MYO1D: variants seen among roughly 807,000 people sequenced by gnomAD.
MYO1D encodes the protein myosin ID, also known as unconventional myosin-Id.
Under a neutral mutation model 122.0 loss-of-function variants are expected in MYO1D, and 83 were observed. The observed-to-expected ratio is 0.68, with a 90% confidence interval of 0.57 to 0.82. MYO1D has a LOEUF of 0.82. Among genes scored for constraint, MYO1D ranks in the 40% least tolerant of loss-of-function variants. MYO1D has a pLI of 0.00. For missense variants in MYO1D, 1,157 were observed against 1,269.5 expected, an observed-to-expected ratio of 0.91 and a Z score of 1.35; for synonymous variants, 464 against 446.9, an observed-to-expected ratio of 1.04 and a Z score of -0.48.
At chr17:32,876,748 C>A (rs1205066088) in intron 1 of MYO1D, 30 bp downstream of exon 1, 1 of 1,477,656 alleles carries the variant, frequency 6.8e-7, no homozygotes, top group Non-Finnish European at 9.0e-7. Flanking sequence ...CGCAGCCTCG[C>A]GCCCCTGCGC....
At chr17:32,675,609 A>G (rs1010238760) in intron 16 of MYO1D, among the ~76,000 whole-genome samples, 1 of 152,182 alleles carries the variant, frequency 6.6e-6, no homozygotes, top group Non-Finnish European at 1.5e-5. Flanking sequence ...TTTTAAAAAT[A>G]AATTTATATC....
chr17:32,531,031 C>T (rs1462039784), intron 21 of MYO1D, among the ~76,000 whole-genome samples: 2 of 152,096 alleles, frequency 1.3e-5, no homozygotes, highest in Admixed American at 6.5e-5. Context: ...CTCACTGCAA[C>T]CCAGGGTGGT....
chr17:32,497,797 A>G (rs1470363002), intron 21 of MYO1D: 1 of 152,322 alleles, frequency 6.6e-6, no homozygotes, highest in Non-Finnish European at 1.5e-5. Context: ...CTTGAATAGC[A>G]AGAAGGAAGG....
intron 1 of MYO1D, among the ~76,000 whole-genome samples, chr17:32,829,041 A>C (rs2090749179): frequency 6.6e-6 from 1 of 152,254 alleles, no homozygotes. Flanking sequence ...AGGAGAAAAT[A>C]AGTTAGGAAC....
intron 17 of MYO1D, among the ~76,000 whole-genome samples, chr17:32,657,503 A>G (rs2088493958): frequency 6.6e-6 from 1 of 152,268 alleles, no homozygotes; most frequent in African/African-American, 2.4e-5. Context: ...TGGCTCTTTC[A>G]GAAAAAGTTT....
At chr17:32,624,411 T>C (rs879381609) in intron 20 of MYO1D, among the ~76,000 whole-genome samples, 16 of 152,066 alleles carry the variant, frequency 1.1e-4, no homozygotes, top group Non-Finnish European at 1.2e-4. Flanking sequence ...TTTGATTTCA[T>C]GCATCTGGAG....
intron 1 of MYO1D, among the ~76,000 whole-genome samples, chr17:32,844,370 A>C (rs1387073363): frequency 1.4e-5 from 2 of 141,806 alleles, no homozygotes; most frequent in Admixed American, 7.0e-5. Flanking sequence ...TATTATATAT[A>C]GTATATATGT....
intron 13 of MYO1D, among the ~76,000 whole-genome samples, chr17:32,740,531 T>C (rs1259070651): frequency 6.6e-6 from 1 of 152,096 alleles, no homozygotes; most frequent in Non-Finnish European, 1.5e-5. Flanking sequence ...TAGGCTGGAG[T>C]GCAGTGGTGA....
intron 21 of MYO1D, among the ~76,000 whole-genome samples, chr17:32,592,794 A>G (rs1026358762): frequency 2.0e-5 from 3 of 152,224 alleles, no homozygotes; most frequent in African/African-American, 7.2e-5. Flanking sequence ...TAACTCTGGA[A>G]ATGACTGGAA....
At chr17:32,613,789 C>CAAAAAAAAAAAA (rs60701225) in intron 20 of MYO1D, among the ~76,000 whole-genome samples, 2 of 51,056 alleles carry the variant, frequency 3.9e-5, no homozygotes, top group African/African-American at 8.1e-5. Flanking sequence ...GATTCCATCT[C>CAAAAAAAAAAAA]AAAAAAAAAA....
chr17:32,594,429 CTTCA>C, intron 21 of MYO1D: 1 of 445,248 alleles, frequency 2.2e-6, no homozygotes, highest in Non-Finnish European at 4.0e-6. Context: ...TCTTTCCTTA[CTTCA>C]TTCAAATAAT....
At chr17:32,821,455 A>C (rs1333069279) in intron 1 of MYO1D, among the ~76,000 whole-genome samples, 2 of 152,304 alleles carry the variant, frequency 1.3e-5, no homozygotes, top group East Asian at 3.9e-4. Flanking sequence ...ATAAGGATGA[A>C]GTAATCCTTA....
intron 1 of MYO1D, among the ~76,000 whole-genome samples, chr17:32,876,329 T>C (rs1206156310): frequency 2.6e-5 from 4 of 152,034 alleles, no homozygotes; most frequent in African/African-American, 9.7e-5. Context: ...AAAGCCGGGA[T>C]GAGACGCCAG....
intron 15 of MYO1D, among the ~76,000 whole-genome samples, chr17:32,713,334 A>G (rs1030887691): frequency 3.9e-5 from 6 of 152,162 alleles, no homozygotes; most frequent in Admixed American, 6.5e-5. Context: ...TGCTGCCTTT[A>G]TCATATGTGC....
intron 1 of MYO1D, among the ~76,000 whole-genome samples, chr17:32,836,572 T>A (rs971870177): frequency 6.6e-6 from 1 of 152,200 alleles, no homozygotes; most frequent in Non-Finnish European, 1.5e-5. Context: ...AATCATTTAG[T>A]ATGTACTCTT....
At chr17:32,837,229 CTTCTT>C (rs2090835365) in intron 1 of MYO1D, among the ~76,000 whole-genome samples, 1 of 132,550 alleles carries the variant, frequency 7.5e-6, no homozygotes. Flanking sequence ...ATTTGGTTAT[CTTCTT>C]TTCAAAGTGC....
chr17:32,502,497 G>A (rs1007437782), intron 21 of MYO1D, among the ~76,000 whole-genome samples: 1 of 152,174 alleles, frequency 6.6e-6, no homozygotes, highest in Non-Finnish European at 1.5e-5. Flanking sequence ...TGATGGTCTT[G>A]TAACATTGTG....
chr17:32,553,838 C>T (rs1202375867), intron 21 of MYO1D, among the ~76,000 whole-genome samples: 21 of 152,192 alleles, frequency 1.4e-4, no homozygotes, highest in Admixed American at 1.4e-3. Flanking sequence ...GCTGGCTTCC[C>T]AATCCACACT....
At chr17:32,674,942 T>A (rs568099634) in intron 16 of MYO1D, among the ~76,000 whole-genome samples, 1 of 152,330 alleles carries the variant, frequency 6.6e-6, no homozygotes, top group African/African-American at 2.4e-5. Context: ...AGGGTAAACA[T>A]CAAACATACT....
Sources: gnomAD v4.1 joint callset for allele counts (sites outside exome capture counted in the v4.1 genomes callset) on GRCh38, gnomAD v4.1.1 for gene constraint, MANE v1.5 for transcripts, NCBI Gene and HGNC (gene_info 2026-07-23, HGNC 2026-07-21) for gene names.